The following PRELID2 variants were observed in gnomAD, a reference collection of about 807,000 sequenced individuals.
The protein encoded by PRELID2 is PRELI domain-containing protein 2.
In PRELID2, 25 loss-of-function variants were observed where a neutral mutation model predicts 28.4. That is an observed-to-expected ratio of 0.88 (90% CI 0.64 to 1.23). PRELID2 has a LOEUF of 1.23. PRELID2 is among the 50% of genes most tolerant of loss of function. PRELID2 has a pLI of 0.00. For synonymous variants in PRELID2, 76 were observed against 71.6 expected (o/e 1.06, Z -0.31); for missense variants, 201 against 214.4 (o/e 0.94, Z 0.39).
chr5:145,619,670 C>G (rs181469196), intron 1 of PRELID2, among the ~76,000 whole-genome samples: 2 of 152,308 alleles, frequency 1.3e-5, no homozygotes, highest in South Asian at 2.1e-4. Flanking sequence ...TGAGCCTCCC[C>G]CTGCTGCTCT....
the PRELID2 span, among the ~76,000 whole-genome samples, chr5:145,404,724 T>C: frequency 6.6e-6 from 1 of 152,222 alleles, no homozygotes; most frequent in Non-Finnish European, 1.5e-5. Flanking sequence ...AAGGTGTCTA[T>C]AATCTGGCAA....
chr5:145,279,238 C>A, the PRELID2 span, among the ~76,000 whole-genome samples: 15 of 152,300 alleles, frequency 9.8e-5, no homozygotes, highest in Middle Eastern at 3.4e-3. Flanking sequence ...CTAATAAATT[C>A]TTTCCTCCAT....
At chr5:145,374,962 A>G in the PRELID2 span, among the ~76,000 whole-genome samples, 19 of 152,118 alleles carry the variant, frequency 1.2e-4, no homozygotes, top group Non-Finnish European at 2.2e-4. Context: ...TTTATTACCC[A>G]TCTTCCCAAC....
At position 145,509,895 on chromosome 5, in the gene PRELID2, G is replaced by T. The variant is rs185003025; in HGVS notation, n.71-36580C>A. On this transcript the variant is annotated intron_variant and non_coding_transcript_variant, in intron 1 of 2. Coordinates refer to the PRELID2 transcript ENST00000510259. ...ATAATATCTAACCCTTAGAGTGGCT[G>T]AGATCATATTTCCAAAGTTCAGAGC... Among the ~76,000 whole-genome samples the T allele has an allele frequency of 3.8e-3, 582 of 152,242 alleles. 2 individuals carry two copies. The highest frequency in any genetic ancestry group is 5.7e-3 in the Non-Finnish European group (390 of 68,012).
the PRELID2 span, among the ~76,000 whole-genome samples, chr5:145,266,138 C>G: frequency 6.6e-6 from 1 of 151,466 alleles, no homozygotes; most frequent in Non-Finnish European, 1.5e-5. Flanking sequence ...AAAATCCCAT[C>G]ATGGTCTCAA....
intron 1 of PRELID2, among the ~76,000 whole-genome samples, chr5:145,569,771 G>A (rs1292085173): frequency 1.3e-5 from 2 of 152,232 alleles, no homozygotes; most frequent in Non-Finnish European, 2.9e-5. Context: ...GATTTACTGT[G>A]TGCCCGACAC....
chr5:145,421,302 G>A, the PRELID2 span, among the ~76,000 whole-genome samples: 1 of 148,786 alleles, frequency 6.7e-6, no homozygotes, highest in Non-Finnish European at 1.5e-5. Flanking sequence ...AGTTTCAGAA[G>A]GAATGGTACC....
intron 1 of PRELID2, among the ~76,000 whole-genome samples, chr5:145,718,265 T>C (rs1320183716): frequency 1.3e-5 from 2 of 151,966 alleles, no homozygotes; most frequent in African/African-American, 2.4e-5. Context: ...AAATCAATAG[T>C]ATTCCTCAAC....
At chr5:145,770,149 A>G (rs144236570) in intron 5 of PRELID2, among the ~76,000 whole-genome samples, 99 of 152,322 alleles carry the variant, frequency 6.5e-4, no homozygotes, top group African/African-American at 2.3e-3. Flanking sequence ...ATAATACTTG[A>G]TAACGATGGT....
At chr5:145,740,656 A>G (rs1318287077) in intron 1 of PRELID2, among the ~76,000 whole-genome samples, 3 of 100,488 alleles carry the variant, frequency 3.0e-5, no homozygotes, top group African/African-American at 1.2e-4. Flanking sequence ...TATTTTATAT[A>G]TAAATAAAAT....
At chr5:145,521,048 A>T (rs1752559123) in intron 1 of PRELID2, among the ~76,000 whole-genome samples, 1 of 152,178 alleles carries the variant, frequency 6.6e-6, no homozygotes, top group Non-Finnish European at 1.5e-5. Context: ...TTCTAAGTTG[A>T]CAGGGAGTTA....
At chr5:145,286,701 TG>T in the PRELID2 span, among the ~76,000 whole-genome samples, 10,354 of 126,120 alleles carry the variant, frequency 0.082, 755 homozygotes, top group African/African-American at 0.22. Flanking sequence ...TAGAAGTTTT[TG>T]TTTTTTTTTG....
intron 1 of PRELID2, among the ~76,000 whole-genome samples, chr5:145,480,378 G>A (rs1427436782): frequency 6.6e-6 from 1 of 151,804 alleles, no homozygotes; most frequent in East Asian, 1.9e-4. Context: ...CTTGCTTATT[G>A]GGTAACAAAG....
intron 1 of PRELID2, among the ~76,000 whole-genome samples, chr5:145,650,862 C>T (rs1754284021): frequency 6.6e-6 from 1 of 152,018 alleles, no homozygotes; most frequent in Admixed American, 6.6e-5. Context: ...TCTGCATTTC[C>T]AACTGAGGTA....
At chr5:145,704,585 CTTT>C (rs1471993843) in intron 1 of PRELID2, among the ~76,000 whole-genome samples, 164 of 152,254 alleles carry the variant, frequency 1.1e-3, no homozygotes, top group African/African-American at 3.8e-3. Context: ...AAATAGAAAA[CTTT>C]TGAAATATCT....
At chr5:145,731,220 C>T (rs186103016) in intron 1 of PRELID2, among the ~76,000 whole-genome samples, 1 of 152,188 alleles carries the variant, frequency 6.6e-6, no homozygotes, top group Non-Finnish European at 1.5e-5. Flanking sequence ...TCCCAGAGTT[C>T]TTGGAACATA....
chr5:145,421,207 G>C, the PRELID2 span, among the ~76,000 whole-genome samples: 1 of 149,352 alleles, frequency 6.7e-6, no homozygotes, highest in Non-Finnish European at 1.5e-5. Context: ...TTTTTGTTGT[G>C]TCTCTGCCTG....
intron 1 of PRELID2, among the ~76,000 whole-genome samples, chr5:145,734,098 TC>T (rs1394321632): frequency 1.3e-5 from 2 of 152,140 alleles, no homozygotes; most frequent in Non-Finnish European, 2.9e-5. Context: ...GAAGAATGCA[TC>T]CCTGCCAACA....
chr5:145,645,239 G>C (rs781627643), intron 1 of PRELID2, among the ~76,000 whole-genome samples: 7 of 148,452 alleles, frequency 4.7e-5, no homozygotes, highest in Non-Finnish European at 7.4e-5. Flanking sequence ...AGCTCTTCTT[G>C]TTGCATTGAT....
Sources: allele counts gnomAD v4.1 joint callset (sites outside exome capture counted in the v4.1 genomes callset), GRCh38; gene constraint gnomAD v4.1.1; transcripts MANE v1.5; gene names NCBI Gene and HGNC (gene_info 2026-07-23, HGNC 2026-07-21).